Variants in ATG2A observed in about 807,000 individuals in gnomAD.
ATG2A encodes the protein autophagy-related protein 2 homolog A.
ATG2A carries 103 observed loss-of-function variants against 214.2 expected under a neutral mutation model. That is an observed-to-expected ratio of 0.48 (90% CI 0.41 to 0.57). The LOEUF is 0.57. Among genes scored for constraint, ATG2A ranks in the 20% least tolerant of loss-of-function variants. The pLI, the probability that ATG2A is intolerant of heterozygous loss-of-function variation, is 0.00. For missense variants in ATG2A, 2,312 were observed against 2,613.2 expected (o/e 0.88, Z 2.51); for synonymous variants, 1,160 against 1,142.1 (o/e 1.02, Z -0.32).
At chr11:64,910,786 A>T in intron 11 of ATG2A, 21 bp downstream of exon 11, 1 of 1,610,720 alleles carries the variant, frequency 6.2e-7, no homozygotes, top group Non-Finnish European at 8.5e-7. Flanking sequence ...CGCCTCGTAC[A>T]CATTCTGCCT....
In ATG2A at chr11:64,902,506, T is replaced by G. The variant is rs1944389987; in HGVS notation, c.3777+10A>C. 1 of 1,484,534 alleles carries G rather than the reference T, an allele frequency of 6.7e-7. No individual in the cohort carries two copies. The highest frequency in any genetic ancestry group is 1.4e-5 in the African/African-American group (1 of 70,652). The allele number at this position is 1,484,534 out of a possible 1,614,324, so 92.0% of individuals were successfully genotyped here. A position where few individuals can be genotyped will look rare whatever the true frequency, so the allele number is the denominator to read the frequency against. ...CTCTGGTAGCCTGTGTGGCCAGGCC[T>G]CACCTGTACCTTCTGGCCGGCGATC... On this transcript the variant is annotated intron_variant, in intron 27 of 40. Coordinates refer to ENST00000377264, the MANE Select transcript of ATG2A (RefSeq NM_015104.3).
chr11:64,915,603 G>C (rs1289977501), intron 1 of ATG2A, among the ~76,000 whole-genome samples: 1 of 152,144 alleles, frequency 6.6e-6, no homozygotes, highest in Non-Finnish European at 1.5e-5. Flanking sequence ...CATTCCACCA[G>C]GGCCCTAGAG....
intron 26 of ATG2A, among the ~76,000 whole-genome samples, chr11:64,902,969 C>A (rs1035421413): frequency 7.4e-6 from 1 of 135,058 alleles, no homozygotes; most frequent in Non-Finnish European, 1.6e-5. Flanking sequence ...CGAGGCAGGG[C>A]AGGTTATCTC....
Position 64,913,507 on chromosome 11 carries a change from C to A in ATG2A, c.591-106G>T. The A allele has an allele frequency of 7.3e-7, 1 of 1,377,814 alleles. No individual in the cohort carries two copies. The highest frequency in any genetic ancestry group is 9.6e-7 in the Non-Finnish European group (1 of 1,039,720). 85.3% of individuals were successfully genotyped at this position (1,377,814 alleles called of 1,614,324 possible). A position where few individuals can be genotyped will look rare whatever the true frequency, so the allele number is the denominator to read the frequency against. ...GCACGGGGTCAGGGAGCCTAGCCTGCAGAGCTGCCCCATCACACCTAGGCC... is the reference window on the plus strand; with the variant it reads ...GCACGGGGTCAGGGAGCCTAGCCTGAAGAGCTGCCCCATCACACCTAGGCC... On this transcript the variant is annotated intron_variant, in intron 4 of 40. Transcript: ENST00000377264. The surrounding 1 kb of genome is among the most constrained non-coding windows in gnomAD (Gnocchi z 4.3).
intron 1 of ATG2A, among the ~76,000 whole-genome samples, chr11:64,915,816 TA>T (rs955244436): frequency 2.6e-5 from 4 of 151,706 alleles, no homozygotes; most frequent in African/African-American, 9.7e-5. Flanking sequence ...TCTATAAAAA[TA>T]AAAAAGGGGC....
At chr11:64,902,463 G>A in intron 27 of ATG2A, 53 bp downstream of exon 27, 1 of 1,531,410 alleles carries the variant, frequency 6.5e-7, no homozygotes, top group Non-Finnish European at 8.8e-7. Context: ...GCCATGGCAG[G>A]GGAGGGGCCT....
At position 64,896,830 on chromosome 11, in the gene ATG2A, G is replaced by T. The variant is rs137960072; in HGVS notation, c.5190C>A (p.Asn1730Lys). Reference sequence around the variant, plus strand: ...TCTTGCGGATGTCCTGCAGCCACTCGTTGAGGGCATAGCCCAGCACCTTGT... The same window carrying T: ...TCTTGCGGATGTCCTGCAGCCACTCTTTGAGGGCATAGCCCAGCACCTTGT... ...GVDKVLGYAL[N>K]EWLQDIRKNQ... is the part of the protein sequence containing the mutation. The change falls in exon 38 of 41, where the codon AAC (asparagine) becomes AAA (lysine). Residue 1730 changes from asparagine to lysine, a missense_variant. By Grantham distance (94) the Asn-to-Lys change is moderately conservative. Coordinates refer to ENST00000377264, the MANE Select transcript of ATG2A (RefSeq NM_015104.3). 5.1e-5 allele frequency: 83 copies of T among 1,614,082 alleles called. No homozygotes were observed. Among genetic ancestry groups the T allele is most frequent in the Non-Finnish European group, 6.8e-5 (80 of 1,180,044 alleles).
In ATG2A at chr11:64,914,217, G is replaced by A; in HGVS notation, c.351C>T (p.Asp117=). Residue 117 remains aspartate, a synonymous_variant, in exon 3 of 41, where the codon GAC becomes GAT. Coordinates refer to ENST00000377264, the MANE Select transcript of ATG2A (RefSeq NM_015104.3). The part of the protein sequence containing the change: ...PRRGPAPGAA[D]SQSWASCMTT... The stretch of plus-strand genomic sequence containing the variant: ...TCATGCATGAGGCCCAGCTCTGTGA[G>A]TCGGCAGCCCCTGGCGCTGTAGGGA... The A allele has an allele frequency of 6.4e-7, 1 of 1,553,796 alleles. No individual in the cohort carries two copies. Among genetic ancestry groups the A allele is most frequent in the Non-Finnish European group, 8.7e-7 (1 of 1,148,578 alleles).
chr11:64,910,479 T>C, intron 12 of ATG2A, 137 bp downstream of exon 12: 1 of 1,126,152 alleles, frequency 8.9e-7, no homozygotes, highest in South Asian at 1.5e-5. Flanking sequence ...GGCAGGTATT[T>C]GAGGGCCCCA....
chr11:64,902,937 G>A (rs560140764), intron 26 of ATG2A, among the ~76,000 whole-genome samples: 8 of 70,196 alleles, frequency 1.1e-4, no homozygotes, highest in South Asian at 8.9e-4. Context: ...CCCACTCCCC[G>A]TGAAGGGCTC....
chr11:64,915,136 C>G (rs1415198996), intron 1 of ATG2A, among the ~76,000 whole-genome samples: 2 of 23,384 alleles, frequency 8.6e-5, no homozygotes, highest in Non-Finnish European at 3.9e-4. Context: ...GATGGGACCC[C>G]CCCCCCCCAC....
At chr11:64,897,578 C>A in intron 36 of ATG2A, 84 bp from the exon 37 acceptor site, 2 of 1,605,294 alleles carry the variant, frequency 1.2e-6, no homozygotes, top group Non-Finnish European at 8.5e-7. Flanking sequence ...AGCGCCCTGG[C>A]TGCTAACAGT....
In ATG2A at chr11:64,895,758, C is replaced by T. The variant is rs979876712; in HGVS notation, c.5428-316G>A. ...CCACATGGCTGCCGCAGCTGCACGCCTGAGACTGACCGCTCCTTGCCTGGC... is the reference window on the plus strand; with the variant it reads ...CCACATGGCTGCCGCAGCTGCACGCTTGAGACTGACCGCTCCTTGCCTGGC... On this transcript the variant is annotated intron_variant, in intron 39 of 40. Transcript: ENST00000377264. The surrounding 1 kb of genome is among the most constrained non-coding windows in gnomAD (Gnocchi z 5.0). Among the ~76,000 whole-genome samples the T allele has an allele frequency of 6.6e-6, 1 of 152,172 alleles. No individual in the cohort carries two copies. The highest frequency in any genetic ancestry group is 6.5e-5 in the Admixed American group (1 of 15,288).
chr11:64,916,976 G>A lies in ATG2A; in HGVS notation c.160C>T (p.Leu54=), dbSNP rs1272734103. Residue 54 remains leucine, a synonymous_variant, in exon 1 of 41, where the codon CTG becomes TTG. Transcript: ENST00000377264. ...GCCTGGCTCCTCACCCAGATTTCCAGGTGGATGTCTCGCAGGGCAACGCTG... is the reference window on the plus strand; with the variant it reads ...GCCTGGCTCCTCACCCAGATTTCCAAGTGGATGTCTCGCAGGGCAACGCTG... ...KGSVALRDIH[L]EIWSVNEVLE... 13 of 1,613,344 alleles carry A rather than the reference G, an allele frequency of 8.1e-6. No individual in the cohort carries two copies. In the African/African-American group the frequency reaches 1.3e-4, roughly 17 times the overall value.
At chr11:64,915,459 G>A (rs1213628212) in intron 1 of ATG2A, among the ~76,000 whole-genome samples, 1 of 152,214 alleles carries the variant, frequency 6.6e-6, no homozygotes, top group Non-Finnish European at 1.5e-5. Flanking sequence ...CAGGGACTGA[G>A]ACTGGGATGC....
chr11:64,914,324 C>T lies in ATG2A; in HGVS notation c.334+14G>A, dbSNP rs200366334. The T allele has an allele frequency of 2.5e-5, 39 of 1,585,196 alleles. No homozygotes were observed. The highest frequency in any genetic ancestry group is 3.2e-5 in the Non-Finnish European group (37 of 1,166,348). On this transcript the variant is annotated intron_variant, in intron 2 of 40. Coordinates refer to ENST00000377264, the MANE Select transcript of ATG2A (RefSeq NM_015104.3). ...CTCCCCACTTGCCTGCCCCCAGCCTCGCCCTGCCCTCACCTGGACCCCGGC... is the reference window on the plus strand; with the variant it reads ...CTCCCCACTTGCCTGCCCCCAGCCTTGCCCTGCCCTCACCTGGACCCCGGC...
rs1944692398 is a variant in ATG2A, at chr11:64,909,757, C to A, written c.2031G>T (p.Gln677His). 1 of 1,612,970 alleles carries A rather than the reference C, an allele frequency of 6.2e-7. No individual in the cohort carries two copies. The highest frequency in any genetic ancestry group is 1.1e-5 in the South Asian group (1 of 91,090). ...EQLRLELSEP[Q>H]FRSELSSGPG... ...GCCCACTGCTAAGCTCTGACCGGAA[C>A]TGGGGCTCACTCAGCTCCAGCCGAA... The change falls in exon 14 of 41, where the codon CAG (glutamine) becomes CAT (histidine). Residue 677 changes from glutamine (Q) to histidine (H), a missense_variant. By Grantham distance (24) the Gln-to-His change is conservative. Transcript: ENST00000377264.
chr11:64,900,025 A>AATT (rs1565743205), intron 31 of ATG2A, among the ~76,000 whole-genome samples: 20 of 120,114 alleles, frequency 1.7e-4, no homozygotes, highest in Non-Finnish European at 3.0e-4. Flanking sequence ...CAAATGGTTA[A>AATT]TTTTTTTTTT....
rs369501394 is a variant in ATG2A, at chr11:64,910,669, C to T, written c.1654G>A (p.Ala552Thr). Residue 552 changes from alanine (A) to threonine (T), a missense_variant, in exon 12 of 41, where the codon GCT (alanine) becomes ACT (threonine). Transcript: ENST00000377264. Reference sequence around the variant, plus strand: ...TGGCGCAGATGGGCGCAGGGCCGAGCTGAGGCCTGGGAGCCCAGCGTACCA... The same window carrying T: ...TGGCGCAGATGGGCGCAGGGCCGAGTTGAGGCCTGGGAGCCCAGCGTACCA... ...FPGTLGSQAS[A>T]RPCAHLRHTQ... 4 of 1,610,122 alleles carry T rather than the reference C, an allele frequency of 2.5e-6. No individual in the cohort carries two copies. The African/African-American group carries it at 5.3e-5, about 22-fold the overall frequency.
Sources: allele counts gnomAD v4.1 joint callset (sites outside exome capture counted in the v4.1 genomes callset), GRCh38; gene constraint gnomAD v4.1.1; non-coding constraint Gnocchi (gnomAD v3.1); transcripts MANE v1.5; gene names NCBI Gene and HGNC (gene_info 2026-07-23, HGNC 2026-07-21).